Variants in DNAH17 observed in about 807,000 individuals in gnomAD.
DNAH17 encodes the protein dynein axonemal heavy chain 17, also known as axonemal beta dynein heavy chain 17.
In DNAH17, 376 loss-of-function variants were observed where a neutral mutation model predicts 485.6. The observed-to-expected ratio is 0.77, with a 90% CI of 0.71 to 0.84. The LOEUF is 0.84. DNAH17 is among the 40% of genes least tolerant of loss of function. The pLI is 0.00. For synonymous variants in DNAH17, 3,031 were observed against 2,405.9 expected (o/e 1.26, Z -7.60); for missense variants, 6,370 against 5,839.3 (o/e 1.09, Z -2.96).
At chr17:78,544,555 C>T (rs574436949) in intron 16 of DNAH17, among the ~76,000 whole-genome samples, 1 of 152,028 alleles carries the variant, frequency 6.6e-6, no homozygotes, top group Non-Finnish European at 1.5e-5. Flanking sequence ...GTAATCCCAG[C>T]ACTTTGGGAG....
In DNAH17 at chr17:78,577,293, A is replaced by G; in HGVS notation, c.-26+2T>C. The G allele has an allele frequency of 6.6e-6, 1 of 152,530 alleles. No individual in the cohort carries two copies. The allele number at this position is 152,530 out of a possible 1,614,324, so 9.4% of individuals were successfully genotyped here. On this transcript the variant is annotated splice_donor_variant, in intron 1 of 80. Coordinates refer to ENST00000389840, the MANE Select transcript of DNAH17 (RefSeq NM_173628.4). LOFTEE classifies it low-confidence loss of function (5UTR_SPLICE). ...CCCCCAGCATGGTTGAAGGCCGCTCACCAGCTGAAGGCAAACAGCTTCTCC... is the reference window on the plus strand; with the variant it reads ...CCCCCAGCATGGTTGAAGGCCGCTCGCCAGCTGAAGGCAAACAGCTTCTCC...
In DNAH17 at chr17:78,445,665, T is replaced by C. The variant is rs1322111783; in HGVS notation, c.11227A>G (p.Lys3743Glu). The change falls in exon 70 of 81, where the codon AAG becomes GAG. Residue 3743 changes from lysine (K) to glutamate (E), a missense_variant. Transcript: ENST00000389840. The part of the protein sequence containing the change: ...QVTFQVLSMK[K>E]ELNPVELDFL... ...TCCAGCTCCACTGGGTTCAGCTCCT[T>C]CTTCATGGACAGGACCTGGGGGAAC... The C allele has an allele frequency of 1.3e-6, 2 of 1,584,818 alleles. No homozygotes were observed. Among genetic ancestry groups the C allele is most frequent in the African/African-American group, 1.3e-5 (1 of 74,328 alleles).
Position 78,569,541 on chromosome 17 carries a change from AAGAC to A in DNAH17, c.1045-18_1045-15del. The A allele has an allele frequency of 6.3e-7, 1 of 1,597,226 alleles. No individual in the cohort carries two copies. The highest frequency in any genetic ancestry group is 8.5e-7 in the Non-Finnish European group (1 of 1,172,246). On this transcript the variant is annotated splice_polypyrimidine_tract_variant and intron_variant, in intron 7 of 80. Transcript: ENST00000389840. ...GAAGGTTCGTGTCTGGGCAAAAGAG[AAGAC>A]AGACATCTAAAGCTCCGACAAGCCA... is the stretch of plus-strand genomic sequence containing the variant.
At chr17:78,469,167 A>T (rs1390317319) in intron 54 of DNAH17, among the ~76,000 whole-genome samples, 2 of 151,418 alleles carry the variant, frequency 1.3e-5, no homozygotes, top group Non-Finnish European at 2.9e-5. Context: ...TTTGAGACTG[A>T]GTCTCGCTCT....
rs749991871 is a variant in DNAH17 at position 78,499,077 on chromosome 17, C to T, written c.5676G>A (p.Thr1892=). 97 of 1,607,872 alleles carry T rather than the reference C, an allele frequency of 6.0e-5. 1 individual carries two copies. Among genetic ancestry groups the T allele is most frequent in the Admixed American group, 1.2e-4 (7 of 59,228 alleles). ...ACTCGTCAAAGCAGCCCCAGGCTCC[C>T]GTCTGGGCCAGGCCCTTGTAGATAT... ...CGNIYKGLAQ[T]GAWGCFDEFN... The change falls in exon 37 of 81, where the codon ACG becomes ACA. Residue 1892 remains threonine (T), a synonymous_variant. Transcript: ENST00000389840.
intron 25 of DNAH17, among the ~76,000 whole-genome samples, chr17:78,519,189 A>G (rs1334528394): frequency 2.7e-5 from 4 of 145,658 alleles, no homozygotes; most frequent in Non-Finnish European, 4.5e-5. Flanking sequence ...AAAAAAAAAA[A>G]AAAAGAAATG....
chr17:78,557,629 A>G (rs2092053350), intron 14 of DNAH17, among the ~76,000 whole-genome samples: 1 of 113,068 alleles, frequency 8.8e-6, no homozygotes. Flanking sequence ...ACAGAGTGAG[A>G]CTGTCTCAAA....
rs1001576291 is a variant in DNAH17 at position 78,572,914 on chromosome 17, T to G, written c.346-20A>C. On this transcript the variant is annotated intron_variant, in intron 2 of 80. Transcript: ENST00000389840. ...GAGGACCTAAAAGGAAACACTTCTG[T>G]GGTTCCGCCCCCTGTGCCTTCACCA... 6.2e-7 allele frequency: 1 copy of G among 1,608,024 alleles called. No homozygotes were observed. Among genetic ancestry groups the G allele is most frequent in the Non-Finnish European group, 8.5e-7 (1 of 1,177,056 alleles).
In DNAH17 at chr17:78,479,246, T is replaced by C. The variant is rs2089242274; in HGVS notation, c.7901-130A>G. The C allele has an allele frequency of 4.7e-6, 5 of 1,063,836 alleles. No individual in the cohort carries two copies. In the South Asian group the frequency reaches 8.1e-5, roughly 17 times the overall value. 65.9% of individuals were successfully genotyped at this position (1,063,836 alleles called of 1,614,324 possible). On this transcript the variant is annotated intron_variant, in intron 50 of 80. Coordinates refer to ENST00000389840, the MANE Select transcript of DNAH17 (RefSeq NM_173628.4). ...GGAGTAAGAAATCTGCACAGCTCTT[T>C]GAAGTGGGAGGGAATTTGCTGTTCT... is the stretch of plus-strand genomic sequence containing the variant.
intron 6 of DNAH17, 30 bp from the exon 7 acceptor site, chr17:78,570,402 A>G (rs1191865901): frequency 6.2e-7 from 1 of 1,601,830 alleles, no homozygotes. Flanking sequence ...GGCACACTGG[A>G]GGGGACTGGC....
chr17:78,558,665 C>T (rs978130991), intron 13 of DNAH17, among the ~76,000 whole-genome samples: 3 of 152,136 alleles, frequency 2.0e-5, no homozygotes, highest in African/African-American at 7.3e-5. Context: ...TGACATCATC[C>T]TAATTTTCTT....
Position 78,434,235 on chromosome 17 carries a change from C to G in DNAH17, c.12034-15G>C. 6.3e-7 allele frequency: 1 copy of G among 1,595,602 alleles called. No individual in the cohort carries two copies. On this transcript the variant is annotated splice_polypyrimidine_tract_variant and intron_variant, in intron 74 of 80. Coordinates refer to ENST00000389840, the MANE Select transcript of DNAH17 (RefSeq NM_173628.4). ...TCCAGGGTGTCCTGTGGGGCACACG[C>G]TCCGGTCAGGTATTAGGGAGAGGGA...
In DNAH17 at chr17:78,455,851, G is replaced by A. The variant is rs1182866918; in HGVS notation, c.9978-15C>T. The A allele has an allele frequency of 6.3e-7, 1 of 1,575,358 alleles. No individual in the cohort carries two copies. Among genetic ancestry groups the A allele is most frequent in the African/African-American group, 1.4e-5 (1 of 73,422 alleles). ...CCCCGACCAGCCTAAAGTGGGATGA[G>A]AGAGAATAAAACATATTTGCACAAG... On this transcript the variant is annotated splice_polypyrimidine_tract_variant and intron_variant, in intron 62 of 80. Coordinates refer to ENST00000389840, the MANE Select transcript of DNAH17 (RefSeq NM_173628.4).
rs1568173124 is a variant in DNAH17, at chr17:78,507,253, T to C, written c.4676+25A>G. On this transcript the variant is annotated intron_variant, in intron 29 of 80. Coordinates refer to ENST00000389840, the MANE Select transcript of DNAH17 (RefSeq NM_173628.4). Reference sequence around the variant, plus strand: ...AGGGAATCTGCACCACTGACTCCCCTGGTCTGGATAGGTGTGAGCCGCACC... The same window carrying C: ...AGGGAATCTGCACCACTGACTCCCCCGGTCTGGATAGGTGTGAGCCGCACC... The C allele has an allele frequency of 3.1e-6, 5 of 1,612,736 alleles. No individual in the cohort carries two copies. In the South Asian group the frequency reaches 5.5e-5, roughly 18 times the overall value.
chr17:78,450,053 C>CT, intron 68 of DNAH17: 1 of 612,820 alleles, frequency 1.6e-6, no homozygotes, highest in Non-Finnish European at 2.9e-6. Context: ...AGCTCATACC[C>CT]TCTCCTGGGG....
chr17:78,479,224 G>A (rs1282360204), intron 50 of DNAH17, 108 bp from the exon 51 acceptor site: 8 of 1,168,594 alleles, frequency 6.8e-6, no homozygotes, highest in East Asian at 5.1e-5. Context: ...GACAACTGGA[G>A]TAAGAAATCT....
At chr17:78,537,190 A>AAC in intron 19 of DNAH17, 109 bp downstream of exon 19, 2 of 1,240,722 alleles carry the variant, frequency 1.6e-6, no homozygotes, top group Non-Finnish European at 2.2e-6. Context: ...AAAAAAAAAA[A>AAC]GAAAAAAAGA....
chr17:78,534,175 A>C lies in DNAH17; in HGVS notation c.2860-1439T>G, dbSNP rs1157589675. ...ACCAAGCCAGTATTTCCCCTGCCCTAAATCACCCAGGGTCAGGTACCAGAC... is the reference window on the plus strand; with the variant it reads ...ACCAAGCCAGTATTTCCCCTGCCCTCAATCACCCAGGGTCAGGTACCAGAC... On this transcript the variant is annotated intron_variant, in intron 19 of 80. Transcript: ENST00000389840. 2.0e-5 allele frequency among the ~76,000 whole-genome samples: 3 copies of C among 152,214 alleles called. 1 individual carries two copies. The South Asian group carries it at 6.2e-4, about 32-fold the overall frequency.
At chr17:78,478,621 CATT>C (rs1363947923) in intron 51 of DNAH17, among the ~76,000 whole-genome samples, 2 of 151,390 alleles carry the variant, frequency 1.3e-5, no homozygotes, top group Non-Finnish European at 2.9e-5. Flanking sequence ...TCATCACCCC[CATT>C]ATTATAATCA....
Sources: allele counts gnomAD v4.1 joint callset (sites outside exome capture counted in the v4.1 genomes callset), GRCh38; gene constraint gnomAD v4.1.1; transcripts MANE v1.5; gene names NCBI Gene and HGNC (gene_info 2026-07-23, HGNC 2026-07-21).